The following RNF207 variants were observed in gnomAD, a reference collection of about 807,000 sequenced individuals.
The protein encoded by RNF207 is ring finger protein 207.
In RNF207, 72 loss-of-function variants were observed where a neutral mutation model predicts 79.0. The observed-to-expected ratio is 0.91, with a 90% CI of 0.75 to 1.11. The LOEUF (loss-of-function observed/expected upper bound fraction) is 1.11. RNF207 is among the 50% of genes least tolerant of loss of function. The probability of loss-of-function intolerance (pLI) is 0.00; values close to 1 mark genes in which losing one functional copy is unlikely to be tolerated. For synonymous variants in RNF207, 348 were observed against 366.2 expected (o/e 0.95, Z 0.57); for missense variants, 936 against 855.8 (o/e 1.09, Z -1.17).
At chr1:6,212,128 G>A (rs904425126) in intron 13 of RNF207, 75 bp downstream of exon 13, 19 of 1,543,742 alleles carry the variant, frequency 1.2e-5, no homozygotes, top group Non-Finnish European at 1.7e-5. Flanking sequence ...CAGGGAAATC[G>A]AGTTCTCCCA....
At position 6,217,712 on chromosome 1, in the gene RNF207, GATC is replaced by G. The variant is rs1668406430; in HGVS notation, c.1653-571_1653-569del. Among the ~76,000 whole-genome samples the G allele has an allele frequency of 6.6e-6, 1 of 152,060 alleles. No individual in the cohort carries two copies. Among genetic ancestry groups the G allele is most frequent in the African/African-American group, 2.4e-5 (1 of 41,400 alleles). On this transcript the variant is annotated intron_variant, in intron 16 of 17. Transcript: ENST00000377939. The surrounding 1 kb of genome is among the most constrained non-coding windows in gnomAD (Gnocchi z 4.2). The stretch of plus-strand genomic sequence containing the variant: ...GGTCTCTATTGCTCCCCTGAATCCA[GATC>G]ATCATGGCCAACCCTCCTACCCCTC...
At chr1:6,210,114 G>C in intron 8 of RNF207, 109 bp from the exon 9 acceptor site, 1 of 1,301,638 alleles carries the variant, frequency 7.7e-7, no homozygotes, top group Non-Finnish European at 1.1e-6. Flanking sequence ...GGCTCAGGGT[G>C]CAGAGAAGGG....
Position 6,217,155 on chromosome 1 carries a change from G to T in RNF207, c.1653-1134G>T, listed in dbSNP as rs888698397. Reference sequence around the variant, plus strand: ...AAATGCTGGGATTATAGACGTGACCGTGCCTAGCCATGTTAGTCTTCAGTA... The same window carrying T: ...AAATGCTGGGATTATAGACGTGACCTTGCCTAGCCATGTTAGTCTTCAGTA... On this transcript the variant is annotated intron_variant, in intron 16 of 17. Coordinates refer to ENST00000377939, the MANE Select transcript of RNF207 (RefSeq NM_207396.3). This position sits in a 1 kb window ranked among gnomAD's most constrained non-coding sequence, Gnocchi z 4.2. Among the ~76,000 whole-genome samples the T allele has an allele frequency of 3.9e-5, 6 of 152,098 alleles. No homozygotes were observed. Among genetic ancestry groups the T allele is most frequent in the Non-Finnish European group, 7.4e-5 (5 of 68,006 alleles).
chr1:6,210,489 C>T (rs377322160), intron 10 of RNF207, 51 bp downstream of exon 10: 13 of 1,484,534 alleles, frequency 8.8e-6, no homozygotes, highest in Non-Finnish European at 1.2e-5. Context: ...GGAGCCCACC[C>T]TGCAGACCAA....
chr1:6,208,901 C>A lies in RNF207; in HGVS notation c.345C>A (p.Phe115Leu), dbSNP rs763372809. ...CGCAGGACGTGGAGACCACGTACTT[C>A]TGCAACACGTGCGGACAGCCCCTAT... is the stretch of plus-strand genomic sequence containing the variant. ...CSEQDVETTY[F>L]CNTCGQPLCA... is the part of the protein sequence containing the mutation. The change falls in exon 4 of 18, where the codon TTC (phenylalanine) becomes TTA (leucine). Residue 115 changes from phenylalanine (F) to leucine (L), a missense_variant. Transcript: ENST00000377939. The A allele has an allele frequency of 5.9e-6, 9 of 1,532,976 alleles. No homozygotes were observed. Among genetic ancestry groups the A allele is most frequent in the South Asian group, 1.2e-5 (1 of 83,946 alleles). The allele number at this position is 1,532,976 out of a possible 1,614,324, so 95.0% of individuals were successfully genotyped here.
Position 6,208,917 on chromosome 1 carries a change from C to T in RNF207, c.361C>T (p.Gln121Ter). Residue 121 changes from glutamine (Q) to a stop codon, truncating the protein, a stop_gained, in exon 4 of 18, where the codon CAG becomes TAG. Coordinates refer to ENST00000377939, the MANE Select transcript of RNF207 (RefSeq NM_207396.3). LOFTEE classifies it high-confidence loss of function. ...CACGTACTTCTGCAACACGTGCGGA[C>T]AGCCCCTATGCGCGCGCTGCCGCGA... ...ETTYFCNTCG[Q>*]PLCARCRDET... 6.5e-7 allele frequency: 1 copy of T among 1,534,102 alleles called. No homozygotes were observed. The highest frequency in any genetic ancestry group is 8.7e-7 in the Non-Finnish European group (1 of 1,145,372).
At position 6,212,702 on chromosome 1, in the gene RNF207, G is replaced by T. The variant is rs767120260; in HGVS notation, c.1503G>T (p.Gln501His). 9.3e-6 allele frequency: 15 copies of T among 1,613,836 alleles called. No homozygotes were observed. The highest frequency in any genetic ancestry group is 1.2e-5 in the Non-Finnish European group (14 of 1,179,896). ...VFQEIWEEAY[Q>H]RVANEQEIYE... ...TTCAGATTTGGGAGGAAGCCTATCA[G>T]CGAGTGGCTAATGAGCAGGAGATTT... Residue 501 changes from glutamine (Q) to histidine (H), a missense_variant, in exon 15 of 18, where the codon CAG becomes CAT. Transcript: ENST00000377939.
chr1:6,208,970 G>T lies in RNF207; in HGVS notation c.414G>T (p.Ala138=). 6.5e-7 allele frequency: 1 copy of T among 1,534,592 alleles called. No individual in the cohort carries two copies. The change falls in exon 4 of 18, where the codon GCG becomes GCT. Residue 138 remains alanine (A), a synonymous_variant. Coordinates refer to ENST00000377939, the MANE Select transcript of RNF207 (RefSeq NM_207396.3). ...AGACGCACCGAGCACGCATGTTCGC[G>T]CGCCACGACATCGTGGCCCTGGGTC... ...RDETHRARMF[A]RHDIVALGQR...
Position 6,207,468 on chromosome 1 carries a change from A to T in RNF207, c.281A>T (p.Glu94Val), listed in dbSNP as rs1180912584. The T allele has an allele frequency of 6.9e-6, 11 of 1,586,868 alleles. No individual in the cohort carries two copies. In the Admixed American group the frequency reaches 1.9e-4, roughly 27 times the overall value. The change falls in exon 3 of 18, where the codon GAG becomes GTG. Residue 94 changes from glutamate to valine, a missense_variant. Coordinates refer to ENST00000377939, the MANE Select transcript of RNF207 (RefSeq NM_207396.3). This position sits in a 1 kb window ranked among gnomAD's most constrained non-coding sequence, Gnocchi z 4.5. ...GTGGACAGCTCAGGGGATGGCGTGG[A>T]GGCGGTGCGCTGTGCCAACTGTGAC... Reference protein sequence around the residue: ...FLVDSSGDGVEAVRCANCDLE... With the variant: ...FLVDSSGDGVVAVRCANCDLE...
chr1:6,217,406 T>C lies in RNF207; in HGVS notation c.1653-883T>C, dbSNP rs183717735. On this transcript the variant is annotated intron_variant, in intron 16 of 17. Transcript: ENST00000377939. The surrounding 1 kb of genome is among the most constrained non-coding windows in gnomAD (Gnocchi z 4.2). ...CATGACGCAGACCCCCAGCTCCCGCTCCAGCACAGTGCTTACCAGAGCTCC... is the reference window on the plus strand; with the variant it reads ...CATGACGCAGACCCCCAGCTCCCGCCCCAGCACAGTGCTTACCAGAGCTCC... Among the ~76,000 whole-genome samples the C allele has an allele frequency of 9.9e-4, 151 of 152,170 alleles. 2 individuals are homozygous for C. The highest frequency in any genetic ancestry group is 4.9e-4 in the Non-Finnish European group (33 of 67,998).
rs766171426 is a variant in RNF207, at chr1:6,213,025, C to T, written c.1535-41C>T. ...TTGAGTAAAAATCTGAAGCCAGATG[C>T]TTCAGGATTAAGACCCCATGCTCTG... On this transcript the variant is annotated intron_variant, in intron 15 of 17. Coordinates refer to ENST00000377939, the MANE Select transcript of RNF207 (RefSeq NM_207396.3). 67 of 1,331,982 alleles carry T rather than the reference C, an allele frequency of 5.0e-5. 2 individuals carry two copies. In the South Asian group the frequency reaches 7.9e-4, roughly 16 times the overall value. 82.5% of individuals were successfully genotyped at this position (1,331,982 alleles called of 1,614,324 possible).
rs1280525935 is a variant in RNF207 at position 6,208,953 on chromosome 1, C to T, written c.397C>T (p.Arg133Ter). 6.5e-7 allele frequency: 1 copy of T among 1,535,776 alleles called. No individual in the cohort carries two copies. Among genetic ancestry groups the T allele is most frequent in the South Asian group, 1.2e-5 (1 of 83,962 alleles). The change falls in exon 4 of 18, where the codon CGA becomes TGA. Residue 133 changes from arginine to a stop codon, truncating the protein, a stop_gained. Coordinates refer to ENST00000377939, the MANE Select transcript of RNF207 (RefSeq NM_207396.3). LOFTEE classifies it high-confidence loss of function. ...LCARCRDETH[R>*]ARMFARHDIV... ...CGCGCGCTGCCGCGACGAGACGCAC[C>T]GAGCACGCATGTTCGCGCGCCACGA...
At position 6,207,490 on chromosome 1, in the gene RNF207, T is replaced by C. The variant is rs1311225351; in HGVS notation, c.303T>C (p.Cys101=). The change falls in exon 3 of 18, where the codon TGT becomes TGC. Residue 101 remains cysteine (C), a synonymous_variant. Transcript: ENST00000377939. This position sits in a 1 kb window ranked among gnomAD's most constrained non-coding sequence, Gnocchi z 4.5. ...TGGAGGCGGTGCGCTGTGCCAACTGTGACCTGGAGTGCAGCGAGCAGGCAG... is the reference window on the plus strand; with the variant it reads ...TGGAGGCGGTGCGCTGTGCCAACTGCGACCTGGAGTGCAGCGAGCAGGCAG... ...DGVEAVRCAN[C]DLECSEQDVE... is the part of the protein sequence containing the mutation. The C allele has an allele frequency of 3.1e-6, 5 of 1,603,462 alleles. No homozygotes were observed. Among genetic ancestry groups the C allele is most frequent in the Non-Finnish European group, 4.3e-6 (5 of 1,175,432 alleles).
At chr1:6,209,389 G>A (rs1668060386) in intron 6 of RNF207, 25 bp from the exon 7 acceptor site, 1 of 1,524,798 alleles carries the variant, frequency 6.6e-7, no homozygotes, top group Non-Finnish European at 8.8e-7. Flanking sequence ...CGGCGATCGC[G>A]AGCCTGACCA....
Position 6,219,501 on chromosome 1 carries a change from T to G in RNF207, c.*94T>G. On this transcript the variant is annotated 3_prime_UTR_variant, in exon 18 of 18. Transcript: ENST00000377939. ...TGTTCCCATGATGGTTTTTTTTATTTTTTATTTTTGAGATGGAGTTTCGCT... is the reference window on the plus strand; with the variant it reads ...TGTTCCCATGATGGTTTTTTTTATTGTTTATTTTTGAGATGGAGTTTCGCT... 1.0e-6 allele frequency: 1 copy of G among 993,178 alleles called. No individual in the cohort carries two copies. The highest frequency in any genetic ancestry group is 1.4e-6 in the Non-Finnish European group (1 of 699,132). The allele number at this position is 993,178 out of a possible 1,614,324, so 61.5% of individuals were successfully genotyped here.
At position 6,212,292 on chromosome 1, in the gene RNF207, C is replaced by T. The variant is rs1213235482; in HGVS notation, c.1358C>T (p.Thr453Ile). 8 of 1,614,018 alleles carry T rather than the reference C, an allele frequency of 5.0e-6. No homozygotes were observed. The highest frequency in any genetic ancestry group is 1.6e-4 in the Middle Eastern group (1 of 6,062). The change falls in exon 14 of 18, where the codon ACC becomes ATC. Residue 453 changes from threonine to isoleucine, a missense_variant. Coordinates refer to ENST00000377939, the MANE Select transcript of RNF207 (RefSeq NM_207396.3). ...DQVQELHRDL[T>I]KHHSLIKAEI... The stretch of plus-strand genomic sequence containing the variant: ...GTACAGGAGCTGCACCGAGACCTCA[C>T]CAAGCACCACTCGCTCATCAAGGCG...
chr1:6,206,661 C>T lies in RNF207; in HGVS notation c.126C>T (p.His42=), dbSNP rs1667914993. The part of the protein sequence containing the change: ...YERPCLLDCF[H]DFCAGCLRGR... ...GCCCGTGTCTTCTGGACTGTTTCCACGACTTCTGTGCCGGCTGCCTGCGTG... is the reference window on the plus strand; with the variant it reads ...GCCCGTGTCTTCTGGACTGTTTCCATGACTTCTGTGCCGGCTGCCTGCGTG... Residue 42 remains histidine, a synonymous_variant, in exon 2 of 18, where the codon CAC becomes CAT. Coordinates refer to ENST00000377939, the MANE Select transcript of RNF207 (RefSeq NM_207396.3). The T allele has an allele frequency of 6.2e-7, 1 of 1,607,534 alleles. No individual in the cohort carries two copies. Among genetic ancestry groups the T allele is most frequent in the African/African-American group, 1.3e-5 (1 of 75,058 alleles).
At chr1:6,209,997 T>C (rs1395295573) in intron 8 of RNF207, 27 bp downstream of exon 8, 1 of 1,557,190 alleles carries the variant, frequency 6.4e-7, no homozygotes, top group Non-Finnish European at 8.7e-7. Flanking sequence ...GGGGCTTGCT[T>C]CCCTTACCCC....
Position 6,206,200 on chromosome 1 carries a change from A to AC in RNF207, c.-101dup. ...GGGCCGGCTACTCCTCGGCAGAGCG[A>AC]CCGCGCGGTGTCTCAGAGCGCGGCC... On this transcript the variant is annotated 5_prime_UTR_variant, in exon 1 of 18. Transcript: ENST00000377939. The AC allele has an allele frequency of 3.7e-6, 1 of 273,676 alleles. No homozygotes were observed. Among genetic ancestry groups the AC allele is most frequent in the Non-Finnish European group, 6.8e-6 (1 of 146,554 alleles). 17.0% of individuals were successfully genotyped at this position (273,676 alleles called of 1,614,324 possible). A position where few individuals can be genotyped will look rare whatever the true frequency, so the allele number is the denominator to read the frequency against.
Sources: allele counts gnomAD v4.1 joint callset (sites outside exome capture counted in the v4.1 genomes callset), GRCh38; gene constraint gnomAD v4.1.1; non-coding constraint Gnocchi (gnomAD v3.1); transcripts MANE v1.5; gene names NCBI Gene and HGNC (gene_info 2026-07-23, HGNC 2026-07-21).